The following ZCCHC7 variants were observed in gnomAD, a reference collection of about 807,000 sequenced individuals.
The protein encoded by ZCCHC7 is zinc finger CCHC domain-containing protein 7.
Under a neutral mutation model 52.0 loss-of-function variants are expected in ZCCHC7, and 35 were observed. The observed-to-expected ratio is 0.67, with a 90% confidence interval of 0.51 to 0.89. The LOEUF is 0.89. Among genes scored for constraint, ZCCHC7 ranks in the 40% least tolerant of loss-of-function variants. The pLI, the probability that ZCCHC7 is intolerant of heterozygous loss-of-function variation, is 0.00. For synonymous variants in ZCCHC7, 217 were observed against 221.5 expected, an observed-to-expected ratio of 0.98 and a Z score of 0.18; for missense variants, 574 against 649.1, an observed-to-expected ratio of 0.88 and a Z score of 1.26.
In ZCCHC7 at chr9:37,304,230, C is replaced by T. The variant is rs766203652; in HGVS notation, c.697C>T (p.Arg233Trp). 1.4e-5 allele frequency: 22 copies of T among 1,613,324 alleles called. No individual in the cohort carries two copies. Among genetic ancestry groups the T allele is most frequent in the Admixed American group, 5.0e-5 (3 of 59,952 alleles). Residue 233 changes from arginine to tryptophan, a missense_variant, in exon 4 of 9, where the codon CGG becomes TGG. Physicochemically the swap from Arg to Trp is moderately radical, Grantham distance 101. Coordinates refer to ENST00000336755, the MANE Select transcript of ZCCHC7 (RefSeq NM_032226.3). Reference sequence around the variant, plus strand: ...CCGAACACCTGGAAGATGGACCCAGCGGTACTATTCAGCCAACAAAAACAT... The same window carrying T: ...CCGAACACCTGGAAGATGGACCCAGTGGTACTATTCAGCCAACAAAAACAT... ...NNRTPGRWTQ[R>W]YYSANKNIIC...
At chr9:37,291,614 T>C (rs1012384437) in intron 2 of ZCCHC7, among the ~76,000 whole-genome samples, 1 of 152,226 alleles carries the variant, frequency 6.6e-6, no homozygotes, top group Non-Finnish European at 1.5e-5. Flanking sequence ...TTTTTTTCAA[T>C]TGATCATTCT....
At chr9:37,342,396 C>T (rs538507580) in intron 6 of ZCCHC7, among the ~76,000 whole-genome samples, 58 of 152,134 alleles carry the variant, frequency 3.8e-4, no homozygotes, top group Non-Finnish European at 4.6e-4. Context: ...AGTAGAGATA[C>T]GTGAGTGTAG....
intron 2 of ZCCHC7, among the ~76,000 whole-genome samples, chr9:37,185,739 A>G (rs1354995182): frequency 6.6e-6 from 1 of 152,010 alleles, no homozygotes; most frequent in Non-Finnish European, 1.5e-5. Context: ...GACACCTGTC[A>G]TTGGTTTCAG....
intron 2 of ZCCHC7, among the ~76,000 whole-genome samples, chr9:37,300,633 A>G (rs1380519238): frequency 6.6e-6 from 1 of 152,210 alleles, no homozygotes; most frequent in African/African-American, 2.4e-5. Context: ...GGCCTGGGAA[A>G]ATGTAGATTA....
intron 2 of ZCCHC7, among the ~76,000 whole-genome samples, chr9:37,183,302 T>C (rs1822468119): frequency 6.6e-6 from 1 of 152,346 alleles, no homozygotes; most frequent in South Asian, 2.1e-4. Context: ...GAATAGGTAC[T>C]TGAATATAAA....
In ZCCHC7 at chr9:37,193,230, C is replaced by A. The variant is rs146315739; in HGVS notation, c.610+66288C>A. Among the ~76,000 whole-genome samples the A allele has an allele frequency of 1.6e-3, 250 of 152,150 alleles. 3 individuals carry two copies. The South Asian group carries it at 0.017, about 11-fold the overall frequency. ...GCTGAAATTTAAAAAAAATCAATAA[C>A]TTTAACATTTTAACAGAAAGTGTTT... On this transcript the variant is annotated intron_variant, in intron 2 of 8. Transcript: ENST00000336755.
intron 2 of ZCCHC7, among the ~76,000 whole-genome samples, chr9:37,286,788 T>C (rs1828229006): frequency 8.5e-6 from 1 of 118,160 alleles, no homozygotes; most frequent in Non-Finnish European, 1.8e-5. Context: ...GATTCTCTTT[T>C]TCCCTCCCTC....
intron 2 of ZCCHC7, among the ~76,000 whole-genome samples, chr9:37,293,642 G>A (rs1828643439): frequency 6.6e-6 from 1 of 152,180 alleles, no homozygotes; most frequent in East Asian, 1.9e-4. Context: ...CCATAATCTT[G>A]TTATATTGAC....
intron 2 of ZCCHC7, among the ~76,000 whole-genome samples, chr9:37,297,269 GC>G (rs1828831864): frequency 6.6e-6 from 1 of 152,074 alleles, no homozygotes. Flanking sequence ...TTTTTAGGTA[GC>G]ATTAGATAGC....
At chr9:37,290,688 T>G (rs978486758) in intron 2 of ZCCHC7, among the ~76,000 whole-genome samples, 8 of 152,092 alleles carry the variant, frequency 5.3e-5, no homozygotes, top group Non-Finnish European at 1.2e-4. Flanking sequence ...AGTACATACT[T>G]TGATTCTTTC....
chr9:37,250,656 A>T (rs566048818), intron 2 of ZCCHC7, among the ~76,000 whole-genome samples: 1 of 152,280 alleles, frequency 6.6e-6, no homozygotes, highest in South Asian at 2.1e-4. Flanking sequence ...TTCCTTGAAT[A>T]AGGTACAGTC....
At chr9:37,327,507 A>G (rs1830295677) in intron 5 of ZCCHC7, 3 of 336,220 alleles carry the variant, frequency 8.9e-6, no homozygotes, top group African/African-American at 6.3e-5. Context: ...TTATCAGTTT[A>G]ACTGAGTTAT....
intron 2 of ZCCHC7, among the ~76,000 whole-genome samples, chr9:37,230,054 A>G (rs766846834): frequency 6.6e-6 from 1 of 152,202 alleles, no homozygotes; most frequent in East Asian, 1.9e-4. Flanking sequence ...GTCCTCTGGA[A>G]GGTCTTCAGG....
At chr9:37,232,123 A>C (rs930447460) in intron 2 of ZCCHC7, among the ~76,000 whole-genome samples, 1 of 152,210 alleles carries the variant, frequency 6.6e-6, no homozygotes, top group African/African-American at 2.4e-5. Flanking sequence ...TTTGTGCAGA[A>C]TTGTGTTGAT....
rs148797735 is a variant in ZCCHC7 at position 37,221,067 on chromosome 9, A to C, written c.611-81121A>C. Among the ~76,000 whole-genome samples the C allele has an allele frequency of 7.8e-4, 119 of 152,342 alleles. 2 individuals are homozygous for C. In the East Asian group the frequency reaches 0.021, roughly 27 times the overall value. On this transcript the variant is annotated intron_variant, in intron 2 of 8. Coordinates refer to ENST00000336755, the MANE Select transcript of ZCCHC7 (RefSeq NM_032226.3). ...TTGCCTTAATCAACTTGGGTTGAAGAATGTGGAGCTTACCAGGTTCCACCA... is the reference window on the plus strand; with the variant it reads ...TTGCCTTAATCAACTTGGGTTGAAGCATGTGGAGCTTACCAGGTTCCACCA...
At chr9:37,325,857 TCTCA>T (rs1204347602) in intron 5 of ZCCHC7, among the ~76,000 whole-genome samples, 2 of 152,228 alleles carry the variant, frequency 1.3e-5, no homozygotes, top group East Asian at 1.9e-4. Flanking sequence ...GTTTCATGTC[TCTCA>T]CTACTAATTT....
At chr9:37,313,460 AAATG>A (rs1588656022) in intron 5 of ZCCHC7, among the ~76,000 whole-genome samples, 2 of 152,228 alleles carry the variant, frequency 1.3e-5, no homozygotes, top group Admixed American at 6.5e-5. Context: ...GCCACCTAAT[AAATG>A]AATATCTGAA....
At chr9:37,274,679 T>A (rs1295737795) in intron 2 of ZCCHC7, among the ~76,000 whole-genome samples, 1 of 150,366 alleles carries the variant, frequency 6.7e-6, no homozygotes, top group Non-Finnish European at 1.5e-5. Context: ...TAAAAGTTTT[T>A]AATGTTAATG....
intron 2 of ZCCHC7, among the ~76,000 whole-genome samples, chr9:37,157,244 T>C (rs1327987268): frequency 3.3e-5 from 5 of 149,336 alleles, no homozygotes; most frequent in Admixed American, 3.3e-4. Context: ...AGTCCTGTAG[T>C]GCCAGCACAT....
Sources: allele counts gnomAD v4.1 joint callset (sites outside exome capture counted in the v4.1 genomes callset), GRCh38; gene constraint gnomAD v4.1.1; transcripts MANE v1.5; gene names NCBI Gene and HGNC (gene_info 2026-07-23, HGNC 2026-07-21).